The following GUK1 variants were observed in gnomAD, a reference collection of about 807,000 sequenced individuals.
GUK1 encodes guanylate kinase 1.
Under a neutral mutation model 25.2 loss-of-function variants are expected in GUK1, and 18 were observed. The observed-to-expected ratio is 0.71, with a 90% CI of 0.49 to 1.06. GUK1 has a LOEUF of 1.06. Ranked by LOEUF, GUK1 falls within the 50% of genes least tolerant of loss-of-function variation. GUK1 has a pLI of 0.00. For synonymous variants in GUK1, 105 were observed against 117.6 expected (o/e 0.89, Z 0.69); for missense variants, 261 against 276.7 (o/e 0.94, Z 0.40).
chr1:228,145,492 C>G lies in GUK1; in HGVS notation c.-2-19C>G, dbSNP rs2034318007. On this transcript the variant is annotated intron_variant, in intron 2 of 8. Transcript: ENST00000312726. ...CTAGAGGCCGCACTGCTATCCACAG[C>G]CTCTCTTCTCACCCCCAGGCATGTC... The G allele has an allele frequency of 6.9e-6, 11 of 1,596,332 alleles. No homozygotes were observed. Among genetic ancestry groups the G allele is most frequent in the Non-Finnish European group, 9.4e-6 (11 of 1,171,466 alleles).
intron 2 of GUK1, chr1:228,141,620 G>A: frequency 8.6e-7 from 1 of 1,161,888 alleles, no homozygotes; most frequent in Non-Finnish European, 1.1e-6. Context: ...TGGTGACTCT[G>A]TTCAGTCCTT....
chr1:228,148,216 C>T, intron 7 of GUK1, 155 bp from the exon 7 acceptor site: 3 of 709,022 alleles, frequency 4.2e-6, no homozygotes, highest in Non-Finnish European at 7.9e-6. Context: ...GGGGGCGGCC[C>T]TTCCCTACCC....
Position 228,140,321 on chromosome 1 carries a change from G to T in GUK1, c.-210G>T. ...GCCCCGGATGCTGCGGCGCCCGCTG[G>T]CCGGGCTGGCTGCGGCCGCCCTGGG... On this transcript the variant is annotated 5_prime_UTR_variant, in exon 1 of 9. Transcript: ENST00000312726. 2 of 1,529,226 alleles carry T rather than the reference G, an allele frequency of 1.3e-6. No individual in the cohort carries two copies. The highest frequency in any genetic ancestry group is 2.0e-5 in the Admixed American group (1 of 49,928). 94.7% of individuals were successfully genotyped at this position (1,529,226 alleles called of 1,614,324 possible). A position where few individuals can be genotyped will look rare whatever the true frequency, so the allele number is the denominator to read the frequency against.
At chr1:228,146,516 C>A in intron 4 of GUK1, 1 of 456,572 alleles carries the variant, frequency 2.2e-6, no homozygotes. Context: ...CCCTCTGTAA[C>A]CTGACGGTCT....
rs528627584 is a variant in GUK1 at position 228,146,125 on chromosome 1, C to T, written c.154+58C>T. ...CCCCAGTGTGGGCAGGGCTGCTGGGCCCTGCAGCTGTGTTGGCTGTGCTGC... is the reference window on the plus strand; with the variant it reads ...CCCCAGTGTGGGCAGGGCTGCTGGGTCCTGCAGCTGTGTTGGCTGTGCTGC... On this transcript the variant is annotated intron_variant, in intron 4 of 8. Coordinates refer to ENST00000312726, the MANE Select transcript of GUK1 (RefSeq NM_000858.7). The T allele has an allele frequency of 4.9e-4, 581 of 1,190,716 alleles. 5 individuals carry two copies. The South Asian group carries it at 6.1e-3, about 13-fold the overall frequency. The allele number at this position is 1,190,716 out of a possible 1,614,324, so 73.8% of individuals were successfully genotyped here.
chr1:228,145,282 G>A (rs879336994), intron 2 of GUK1: 16 of 370,926 alleles, frequency 4.3e-5, no homozygotes, highest in Non-Finnish European at 5.8e-5. Context: ...CCTTCCATTC[G>A]TCTCCCGTGT....
intron 8 of GUK1, 54 bp downstream of exon 7, chr1:228,148,510 C>T (rs2124957228): frequency 4.1e-6 from 6 of 1,466,186 alleles, no homozygotes; most frequent in Non-Finnish European, 5.6e-6. Flanking sequence ...GCCTGGGGGC[C>T]AGGCCTTTGT....
chr1:228,148,495 G>A (rs754584696), intron 8 of GUK1, 39 bp downstream of exon 7: 15 of 1,492,406 alleles, frequency 1.0e-5, no homozygotes, highest in Non-Finnish European at 1.3e-5. Flanking sequence ...AAGGCCCAAG[G>A]GGAGGCCTGG....
At chr1:228,145,807 T>C in intron 3 of GUK1, 183 bp downstream of exon 2, 1 of 746,892 alleles carries the variant, frequency 1.3e-6, no homozygotes, top group Non-Finnish European at 2.2e-6. Flanking sequence ...CCTGCGTGCC[T>C]GTGTCTCCCT....
At chr1:228,147,120 C>T (rs561241787) in intron 5 of GUK1, among the ~76,000 whole-genome samples, 182 bp downstream of exon 4, 1 of 152,232 alleles carries the variant, frequency 6.6e-6, no homozygotes, top group South Asian at 2.1e-4. Context: ...CATGAGGCTG[C>T]TGGGCCCGGT....
In GUK1 at chr1:228,148,227, T is replaced by G. The variant is rs1571900085; in HGVS notation, c.476-144T>G. On this transcript the variant is annotated intron_variant, in intron 7 of 8. Transcript: ENST00000312726. ...CCCAGGGGGCGGCCCTTCCCTACCC[T>G]GCACAGGCCCGGCTGGGCTGGAAAG... 9 of 726,466 alleles carry G rather than the reference T, an allele frequency of 1.2e-5. No individual in the cohort carries two copies. In the East Asian group the frequency reaches 2.2e-4, roughly 17 times the overall value. The allele number at this position is 726,466 out of a possible 1,614,324, so 45.0% of individuals were successfully genotyped here.
In GUK1 at chr1:228,146,918, G is replaced by C. The variant is rs766247168; in HGVS notation, c.231G>C (p.Ser77=). The C allele has an allele frequency of 3.8e-5, 61 of 1,613,070 alleles. No homozygotes were observed. Among genetic ancestry groups the C allele is most frequent in the Non-Finnish European group, 4.8e-5 (57 of 1,179,238 alleles). ...ACTTCATCGAGCATGCCGAGTTCTC[G>C]GGGAACCTGTATGGCACGAGGTGGG... The change falls in exon 5 of 9, where the codon TCG becomes TCC. Residue 77 remains serine (S), a synonymous_variant. Coordinates refer to ENST00000312726, the MANE Select transcript of GUK1 (RefSeq NM_000858.7).
At chr1:228,146,579 C>A in intron 4 of GUK1, 2 of 536,446 alleles carry the variant, frequency 3.7e-6, no homozygotes, top group Non-Finnish European at 6.7e-6. Flanking sequence ...GTCCCCACCC[C>A]ATCACCACCA....
chr1:228,145,729 C>A, intron 3 of GUK1, 105 bp downstream of exon 2: 3 of 1,362,526 alleles, frequency 2.2e-6, no homozygotes, highest in Non-Finnish European at 3.0e-6. Flanking sequence ...CACACCCACC[C>A]TGCAGACTGT....
chr1:228,141,155 C>T lies in GUK1; in HGVS notation c.-136C>T, dbSNP rs183937513. The T allele has an allele frequency of 7.8e-4, 769 of 985,594 alleles. 5 individuals carry two copies. The African/African-American group carries it at 0.012, about 15-fold the overall frequency. The allele number at this position is 985,594 out of a possible 1,614,324, so 61.1% of individuals were successfully genotyped here. ...TCTGCTCTTTACCTGGGGTTGCTGT[C>T]GAGGACCCTGTGCAAGACTCGGCCG... On this transcript the variant is annotated 5_prime_UTR_variant, in exon 2 of 9. Transcript: ENST00000312726.
In GUK1 at chr1:228,143,192, G is replaced by C. The variant is rs554139655; in HGVS notation, c.-3+1904G>C. ...TCAGACCCGAAGAGCTTGGAGCCAG[G>C]GGCTGGGGGGAACAGGGCAGGACCG... is the stretch of plus-strand genomic sequence containing the variant. On this transcript the variant is annotated intron_variant, in intron 2 of 8. Coordinates refer to ENST00000312726, the MANE Select transcript of GUK1 (RefSeq NM_000858.7). 4.6e-5 allele frequency among the ~76,000 whole-genome samples: 7 copies of C among 152,278 alleles called. No individual in the cohort carries two copies. The South Asian group carries it at 8.3e-4, about 18-fold the overall frequency.
intron 2 of GUK1, chr1:228,141,397 G>A: frequency 2.5e-6 from 1 of 406,764 alleles, no homozygotes; most frequent in Non-Finnish European, 3.3e-6. Context: ...GCCAGGATGC[G>A]TGCTACCCGG....
Position 228,146,114 on chromosome 1 carries a change from G to A in GUK1, c.154+47G>A, listed in dbSNP as rs55904630. 3,080 of 1,306,310 alleles carry A rather than the reference G, an allele frequency of 2.4e-3. 29 individuals are homozygous for A. The African/African-American group carries it at 0.025, about 11-fold the overall frequency. The allele number at this position is 1,306,310 out of a possible 1,614,324, so 80.9% of individuals were successfully genotyped here. On this transcript the variant is annotated intron_variant, in intron 4 of 8. Coordinates refer to ENST00000312726, the MANE Select transcript of GUK1 (RefSeq NM_000858.7). ...GGCTGGAGCACCCCCAGTGTGGGCAGGGCTGCTGGGCCCTGCAGCTGTGTT... is the reference window on the plus strand; with the variant it reads ...GGCTGGAGCACCCCCAGTGTGGGCAAGGCTGCTGGGCCCTGCAGCTGTGTT...
At chr1:228,140,202 G>A (rs879381908), upstream of GUK1, 5 of 957,534 alleles carry the variant, frequency 5.2e-6, no homozygotes, top group Admixed American at 7.0e-5. Context: ...AGTGAGACAT[G>A]GGCGGGGCAG....
Sources: allele counts gnomAD v4.1 joint callset (sites outside exome capture counted in the v4.1 genomes callset), GRCh38; gene constraint gnomAD v4.1.1; transcripts MANE v1.5; gene names NCBI Gene and HGNC (gene_info 2026-07-23, HGNC 2026-07-21).